Variants in ROBO1 observed in about 807,000 individuals in gnomAD.
ROBO1 encodes the protein roundabout guidance receptor 1, also known as roundabout homolog 1.
Under a neutral mutation model 195.9 loss-of-function variants are expected in ROBO1, and 149 were observed. The ratio of observed to expected loss-of-function variants is 0.76; its 90% confidence interval spans 0.67 to 0.87. ROBO1 has a LOEUF of 0.87. Among genes scored for constraint, ROBO1 ranks in the 40% least tolerant of loss-of-function variants. The pLI is 0.00. For synonymous variants in ROBO1, 816 were observed against 733.2 expected, an observed-to-expected ratio of 1.11 and a Z score of -1.82; for missense variants, 1,933 against 2,068.3, an observed-to-expected ratio of 0.93 and a Z score of 1.27.
At chr3:78,642,745 T>C (rs1706043399) in intron 21 of ROBO1, among the ~76,000 whole-genome samples, 2 of 152,180 alleles carry the variant, frequency 1.3e-5, no homozygotes, top group Admixed American at 6.6e-5. Flanking sequence ...CACAAATTCT[T>C]TGCCCTTTTT....
intron 2 of ROBO1, among the ~76,000 whole-genome samples, chr3:79,302,718 C>T (rs1328358268): frequency 6.6e-6 from 1 of 151,880 alleles, no homozygotes; most frequent in Non-Finnish European, 1.5e-5. Flanking sequence ...GTACGTACAA[C>T]ATTGTGTAAT....
chr3:79,604,416 C>G (rs1944424482), intron 1 of ROBO1, among the ~76,000 whole-genome samples: 1 of 151,908 alleles, frequency 6.6e-6, no homozygotes, highest in Non-Finnish European at 1.5e-5. Flanking sequence ...GTGAAGTAAT[C>G]AAACATAAAA....
chr3:79,364,234 G>GTA (rs10634266), intron 2 of ROBO1, among the ~76,000 whole-genome samples: 77,315 of 145,552 alleles, frequency 0.53, 21,034 homozygotes, highest in African/African-American at 0.69. Flanking sequence ...AAATGTGTGT[G>GTA]TGTATATATA....
chr3:78,655,678 GA>G (rs563520015), intron 18 of ROBO1, among the ~76,000 whole-genome samples: 11 of 152,258 alleles, frequency 7.2e-5, no homozygotes, highest in African/African-American at 2.6e-4. Flanking sequence ...GTATAGCAAT[GA>G]AGTTTATGAA....
intron 4 of ROBO1, among the ~76,000 whole-genome samples, chr3:78,846,480 C>T (rs930164441): frequency 2.6e-5 from 4 of 152,060 alleles, no homozygotes; most frequent in African/African-American, 9.7e-5. Flanking sequence ...TAAAGATAAT[C>T]AATATCATCT....
chr3:79,353,731 G>A (rs2035433744), intron 2 of ROBO1, among the ~76,000 whole-genome samples: 1 of 152,114 alleles, frequency 6.6e-6, no homozygotes, highest in Non-Finnish European at 1.5e-5. Context: ...CAAGAAGCTA[G>A]TTTCAGAAGG....
intron 4 of ROBO1, among the ~76,000 whole-genome samples, chr3:78,937,447 T>C (rs961416735): frequency 4.5e-4 from 69 of 152,112 alleles, no homozygotes; most frequent in Admixed American, 3.5e-3. Flanking sequence ...TTATAGAGAA[T>C]TATATATAAA....
At chr3:78,655,124 T>TA (rs1559701651) in intron 18 of ROBO1, among the ~76,000 whole-genome samples, 9 of 151,922 alleles carry the variant, frequency 5.9e-5, no homozygotes, top group African/African-American at 1.2e-4. Flanking sequence ...TTGGTTTTTT[T>TA]TAAAAAAAAT....
chr3:79,044,991 A>G (rs906375795), intron 3 of ROBO1, among the ~76,000 whole-genome samples: 1 of 152,064 alleles, frequency 6.6e-6, no homozygotes, highest in African/African-American at 2.4e-5. Context: ...AACATAAACA[A>G]ATATTATTTC....
intron 1 of ROBO1, among the ~76,000 whole-genome samples, chr3:79,750,542 T>G (rs531403471): frequency 1.3e-5 from 2 of 152,296 alleles, no homozygotes; most frequent in Admixed American, 6.5e-5. Context: ...CAGCATGTAG[T>G]AGGAGGAATC....
intron 2 of ROBO1, among the ~76,000 whole-genome samples, chr3:79,345,828 A>G (rs946483939): frequency 7.2e-5 from 11 of 152,160 alleles, no homozygotes; most frequent in Admixed American, 6.5e-5. Context: ...AGCTGTCCTC[A>G]TGTTTTATTA....
At chr3:79,057,817 G>A (rs1250135048) in intron 3 of ROBO1, among the ~76,000 whole-genome samples, 1 of 150,510 alleles carries the variant, frequency 6.6e-6, no homozygotes, top group Non-Finnish European at 1.5e-5. Flanking sequence ...GGATGCTCCT[G>A]CAGAAATCTA....
At chr3:79,246,520 C>G (rs1351087840) in intron 2 of ROBO1, among the ~76,000 whole-genome samples, 1 of 152,094 alleles carries the variant, frequency 6.6e-6, no homozygotes, top group Non-Finnish European at 1.5e-5. Context: ...TGTGTTTCTA[C>G]TAATGACCTC....
At chr3:79,182,626 G>T (rs1247332137) in intron 2 of ROBO1, among the ~76,000 whole-genome samples, 1 of 151,922 alleles carries the variant, frequency 6.6e-6, no homozygotes, top group Non-Finnish European at 1.5e-5. Flanking sequence ...GGCTGAAAAT[G>T]TAAGTTTAGG....
At chr3:79,756,119 A>T (rs1488693952) in intron 1 of ROBO1, among the ~76,000 whole-genome samples, 2 of 152,176 alleles carry the variant, frequency 1.3e-5, no homozygotes, top group Non-Finnish European at 2.9e-5. Context: ...GGGCAGATGC[A>T]TTGTAGGTAT....
chr3:79,079,796 A>C (rs1017238146), intron 3 of ROBO1, among the ~76,000 whole-genome samples: 1 of 151,844 alleles, frequency 6.6e-6, no homozygotes. Context: ...TAATAATCTC[A>C]ATGTAATTTT....
intron 4 of ROBO1, among the ~76,000 whole-genome samples, chr3:78,862,571 A>C (rs1310019840): frequency 1.3e-5 from 2 of 152,158 alleles, no homozygotes; most frequent in Non-Finnish European, 2.9e-5. Context: ...GCAATAGAAA[A>C]ATACTACAAC....
intron 29 of ROBO1, among the ~76,000 whole-genome samples, chr3:78,600,694 A>C (rs965833375): frequency 6.6e-6 from 1 of 152,220 alleles, no homozygotes; most frequent in Non-Finnish European, 1.5e-5. Context: ...AAAAGTGATG[A>C]TAACATCTAT....
intron 3 of ROBO1, among the ~76,000 whole-genome samples, chr3:79,101,781 A>G (rs2108511516): frequency 6.6e-6 from 1 of 152,080 alleles, no homozygotes; most frequent in East Asian, 1.9e-4. Context: ...TAAAGATTTT[A>G]CCAGGATTTC....
Sources: allele counts gnomAD v4.1 joint callset (sites outside exome capture counted in the v4.1 genomes callset), GRCh38; gene constraint gnomAD v4.1.1; transcripts MANE v1.5; gene names NCBI Gene and HGNC (gene_info 2026-07-23, HGNC 2026-07-21).